Variants in DNMT1 observed in about 807,000 individuals in gnomAD.
DNMT1 encodes the protein DNA methyltransferase 1.
A neutral mutation model predicts 205.3 loss-of-function variants in DNMT1; 24 were observed. The observed-to-expected ratio is 0.12, with a 90% CI of 0.08 to 0.16. DNMT1 has a LOEUF of 0.16. DNMT1 is among the 10% of genes least tolerant of loss of function. The pLI, the probability that DNMT1 is intolerant of heterozygous loss-of-function variation, is 1.00. For synonymous variants in DNMT1, 817 were observed against 839.8 expected, an observed-to-expected ratio of 0.97 and a Z score of 0.47; for missense variants, 1,293 against 2,177.7, an observed-to-expected ratio of 0.59 and a Z score of 8.09.
At position 10,133,672 on chromosome 19, in the gene DNMT1, C is replaced by G. The variant is rs147118268; in HGVS notation, c.4894G>C (p.Asp1632His). ...AKIKEEEAAKD is the reference protein window; with the variant it reads ...AKIKEEEAAKH ...GGGGTGACGGGAGGGCAGAACTAGT[C>G]CTTAGCAGCTTCCTCCTCCTTTATT... The change falls in exon 41 of 41, where the codon GAC (aspartate) becomes CAC (histidine). Residue 1632 changes from aspartate (D) to histidine (H), a missense_variant. Physicochemically the swap from Asp to His is moderately conservative, Grantham distance 81. Transcript: ENST00000359526. The surrounding 1 kb of genome is among the most constrained non-coding windows in gnomAD (Gnocchi z 4.1). 100 of 1,599,360 alleles carry G rather than the reference C, an allele frequency of 6.3e-5. No individual in the cohort carries two copies. The highest frequency in any genetic ancestry group is 7.8e-5 in the Non-Finnish European group (92 of 1,172,250).
In DNMT1 at chr19:10,146,372, G is replaced by A; in HGVS notation, c.2873C>T (p.Pro958Leu). 6.2e-7 allele frequency: 1 copy of A among 1,614,008 alleles called. No homozygotes were observed. The highest frequency in any genetic ancestry group is 8.5e-7 in the Non-Finnish European group (1 of 1,180,008). ...LYRVGDGVYL[P>L]PEAFTFNIKL... ...TTACTTGAACGTGAAGGCCTCAGGG[G>A]GCAGGTACACACCATCACCAACTCG... Residue 958 changes from proline to leucine, a missense_variant, in exon 28 of 41, where the codon CCC becomes CTC. Coordinates refer to ENST00000359526, the MANE Select transcript of DNMT1 (RefSeq NM_001130823.3). This position sits in a 1 kb window ranked among gnomAD's most constrained non-coding sequence, Gnocchi z 4.4.
chr19:10,137,805 G>T lies in DNMT1; in HGVS notation c.4293+27C>A. On this transcript the variant is annotated intron_variant, in intron 36 of 40. Transcript: ENST00000359526. The surrounding 1 kb of genome is among the most constrained non-coding windows in gnomAD (Gnocchi z 6.4). The stretch of plus-strand genomic sequence containing the variant: ...AGGCTGCTGGGCTGGGCCTCGAGGA[G>T]GAGCCGCTCTGTCAGGGTGCCATTA... The T allele has an allele frequency of 6.2e-7, 1 of 1,608,402 alleles. No individual in the cohort carries two copies. Among genetic ancestry groups the T allele is most frequent in the Non-Finnish European group, 8.5e-7 (1 of 1,178,016 alleles).
intron 28 of DNMT1, among the ~76,000 whole-genome samples, chr19:10,145,903 A>G (rs979885355): frequency 1.3e-5 from 2 of 151,988 alleles, no homozygotes; most frequent in African/African-American, 2.4e-5. Context: ...ATCTTGGCTC[A>G]CTGCAACCTC....
Position 10,140,267 on chromosome 19 carries a change from C to T in DNMT1, c.3585G>A (p.Leu1195=). 6.2e-7 allele frequency: 1 copy of T among 1,614,020 alleles called. No homozygotes were observed. The highest frequency in any genetic ancestry group is 8.5e-7 in the Non-Finnish European group (1 of 1,180,040). ...MWDPAAQAFR[L]NNPGSTVFTE... ...TGAACACTGTGGAGCCGGGGTTGTT[C>T]AGCCGGAACGCCTGGGCCGCAGGGT... is the stretch of plus-strand genomic sequence containing the variant. The change falls in exon 33 of 41, where the codon CTG becomes CTA. Residue 1195 remains leucine, a synonymous_variant. Transcript: ENST00000359526. This position sits in a 1 kb window ranked among gnomAD's most constrained non-coding sequence, Gnocchi z 8.4.
intron 10 of DNMT1, among the ~76,000 whole-genome samples, chr19:10,167,038 G>A (rs550292653): frequency 1.3e-5 from 2 of 152,142 alleles, no homozygotes; most frequent in African/African-American, 2.4e-5. Context: ...TGCGATCAGC[G>A]TCAGTCAGTG....
At chr19:10,183,223 C>T (rs762092250) in intron 1 of DNMT1, among the ~76,000 whole-genome samples, 2 of 151,372 alleles carry the variant, frequency 1.3e-5, no homozygotes, top group Admixed American at 6.6e-5. Context: ...TCAAGCGATT[C>T]TCCTGGCTCA....
At chr19:10,155,464 A>G (rs1249692150) in intron 19 of DNMT1, among the ~76,000 whole-genome samples, 3 of 152,014 alleles carry the variant, frequency 2.0e-5, no homozygotes, top group Admixed American at 2.0e-4. Context: ...TAGCCTCCCA[A>G]GTAGCTGGGA....
In DNMT1 at chr19:10,137,867, G is replaced by A. The variant is rs770284928; in HGVS notation, c.4258C>T (p.Gln1420Ter). ...TGGTCCCTGAGGATGGGCTGGTACT[G>A]TGCGCCCCGGAGCTGCCTCTGGAAC... ...SWFQRQLRGAQYQPILRDHIC... is the reference protein window; with the variant it reads ...SWFQRQLRGA Residue 1420 changes from glutamine to a stop codon, truncating the protein, a stop_gained, in exon 36 of 41, where the codon CAG becomes TAG. Coordinates refer to ENST00000359526, the MANE Select transcript of DNMT1 (RefSeq NM_001130823.3). LOFTEE classifies it high-confidence loss of function. The surrounding 1 kb of genome is among the most constrained non-coding windows in gnomAD (Gnocchi z 6.4). The A allele has an allele frequency of 6.2e-7, 1 of 1,613,508 alleles. No homozygotes were observed. Among genetic ancestry groups the A allele is most frequent in the Non-Finnish European group, 8.5e-7 (1 of 1,179,928 alleles).
At chr19:10,174,718 A>AAAC (rs370887686) in intron 7 of DNMT1, among the ~76,000 whole-genome samples, 2,188 of 151,048 alleles carry the variant, frequency 0.014, 22 homozygotes, top group South Asian at 0.044. Flanking sequence ...AAAAAATTAA[A>AAAC]AACAACAACA....
At chr19:10,167,980 G>A (rs2038729965) in intron 10 of DNMT1, among the ~76,000 whole-genome samples, 1 of 151,990 alleles carries the variant, frequency 6.6e-6, no homozygotes, top group African/African-American at 2.4e-5. Context: ...AAAATTAGTT[G>A]GGCATGGTGG....
chr19:10,145,277 G>A (rs1428468739), intron 28 of DNMT1, among the ~76,000 whole-genome samples: 1 of 152,208 alleles, frequency 6.6e-6, no homozygotes, highest in East Asian at 1.9e-4. Context: ...CACTTTGCCA[G>A]GAGCAACTGG....
intron 25 of DNMT1, 87 bp from the exon 26 acceptor site, chr19:10,149,744 TCA>T: frequency 6.2e-7 from 1 of 1,608,260 alleles, no homozygotes; most frequent in Non-Finnish European, 8.5e-7. Context: ...CTCGTCCTTT[TCA>T]GTTTTCATCT....
At chr19:10,177,072 T>A (rs1313809299) in intron 6 of DNMT1, among the ~76,000 whole-genome samples, 2 of 152,154 alleles carry the variant, frequency 1.3e-5, no homozygotes, top group African/African-American at 4.8e-5. Flanking sequence ...TCAGGGTTCA[T>A]TATACAAAAC....
Position 10,146,107 on chromosome 19 carries a change from A to G in DNMT1, c.2894+244T>C, listed in dbSNP as rs1326119701. Among the ~76,000 whole-genome samples, 1 of 152,196 alleles carries G rather than the reference A, an allele frequency of 6.6e-6. No individual in the cohort carries two copies. The highest frequency in any genetic ancestry group is 1.5e-5 in the Non-Finnish European group (1 of 68,044). ...CGGCCTCCCAAAGCGCTGGGATTAC[A>G]GGCGTGAGAAACCACACCCAGCCAA... On this transcript the variant is annotated intron_variant, in intron 28 of 40. Transcript: ENST00000359526. This position sits in a 1 kb window ranked among gnomAD's most constrained non-coding sequence, Gnocchi z 4.4.
chr19:10,184,031 G>C (rs937680589), intron 1 of DNMT1, among the ~76,000 whole-genome samples: 2 of 152,186 alleles, frequency 1.3e-5, no homozygotes, highest in Non-Finnish European at 2.9e-5. Context: ...TCCAATCTAG[G>C]AGACAGAGTG....
Position 10,138,418 on chromosome 19 carries a change from G to C in DNMT1, c.4115+21C>G, listed in dbSNP as rs772278199. 37 of 1,613,792 alleles carry C rather than the reference G, an allele frequency of 2.3e-5. No individual in the cohort carries two copies. The highest frequency in any genetic ancestry group is 2.8e-5 in the Non-Finnish European group (33 of 1,180,040). ...TGAGGCCTGCTCGGCAGTGTGTGGA[G>C]GAGCGACGGGGGCCACCTACCTGGT... On this transcript the variant is annotated intron_variant, in intron 35 of 40. Transcript: ENST00000359526. The surrounding 1 kb of genome is among the most constrained non-coding windows in gnomAD (Gnocchi z 4.1).
chr19:10,149,620 T>C lies in DNMT1; in HGVS notation c.2419A>G (p.Met807Val). ...GCGCAGAACCAGTGGGCGTGAAACA[T>C]CTGCCCGTTGCTGCTGTCCTCCCAC... The part of the protein sequence containing the change: ...ALWEDSSNGQ[M>V]FHAHWFCAGT... The change falls in exon 26 of 41, where the codon ATG becomes GTG. Residue 807 changes from methionine (M) to valine (V), a missense_variant. By Grantham distance (21) the Met-to-Val change is conservative. Transcript: ENST00000359526. 6.2e-7 allele frequency: 1 copy of C among 1,613,892 alleles called. No individual in the cohort carries two copies. The highest frequency in any genetic ancestry group is 8.5e-7 in the Non-Finnish European group (1 of 1,180,032).
chr19:10,147,540 G>A (rs752679885), intron 27 of DNMT1, among the ~76,000 whole-genome samples: 2 of 152,006 alleles, frequency 1.3e-5, no homozygotes, highest in Non-Finnish European at 2.9e-5. Flanking sequence ...GAACCCAGGA[G>A]GTGGAGGTTG....
At chr19:10,164,763 A>G (rs1055772348) in intron 11 of DNMT1, among the ~76,000 whole-genome samples, 6 of 151,848 alleles carry the variant, frequency 4.0e-5, no homozygotes, top group Non-Finnish European at 5.9e-5. Flanking sequence ...CCCTGTCTCT[A>G]CTAAAAATAT....
Sources: allele counts gnomAD v4.1 joint callset (sites outside exome capture counted in the v4.1 genomes callset), GRCh38; gene constraint gnomAD v4.1.1; non-coding constraint Gnocchi (gnomAD v3.1); transcripts MANE v1.5; gene names NCBI Gene and HGNC (gene_info 2026-07-23, HGNC 2026-07-21).